Variants in HSDL1 observed in about 807,000 individuals in gnomAD.
HSDL1 encodes the protein hydroxysteroid dehydrogenase like 1.
HSDL1 carries 29 observed loss-of-function variants against 31.5 expected under a neutral mutation model. The observed-to-expected ratio is 0.92, with a 90% CI of 0.69 to 1.26. HSDL1 has a LOEUF of 1.26. Ranked by LOEUF, HSDL1 falls within the 50% of genes most tolerant of loss-of-function variation. The pLI is 0.00. For missense variants in HSDL1, 503 were observed against 416.6 expected, an observed-to-expected ratio of 1.21 and a Z score of -1.81; for synonymous variants, 222 against 155.2, an observed-to-expected ratio of 1.43 and a Z score of -3.20.
In HSDL1 at chr16:84,130,070, C is replaced by T. The variant is rs1461610007; in HGVS notation, c.582G>A (p.Glu194=). The part of the protein sequence containing the change: ...MVHVVLPGMV[E]RKKGAIVTIS... Reference sequence around the variant, plus strand: ...TCGTGACGATGGCACCTTTCTTTCTCTCCACCATTCCCGGTAACACAACAT... The same window carrying T: ...TCGTGACGATGGCACCTTTCTTTCTTTCCACCATTCCCGGTAACACAACAT... Residue 194 remains glutamate, a synonymous_variant, in exon 4 of 6, where the codon GAG becomes GAA. Coordinates refer to ENST00000219439, the MANE Select transcript of HSDL1 (RefSeq NM_031463.5). 3.7e-6 allele frequency: 6 copies of T among 1,614,074 alleles called. No individual in the cohort carries two copies. Among genetic ancestry groups the T allele is most frequent in the Non-Finnish European group, 4.2e-6 (5 of 1,180,056 alleles).
In HSDL1 at chr16:84,129,653, G is replaced by C. The variant is rs932571200; in HGVS notation, c.789C>G (p.His263Gln). The change falls in exon 5 of 6, where the codon CAC becomes CAG. Residue 263 changes from histidine to glutamine, a missense_variant. Coordinates refer to ENST00000219439, the MANE Select transcript of HSDL1 (RefSeq NM_031463.5). ...TSMTAPSNFL[H>Q]RCSWLVPSPK... The stretch of plus-strand genomic sequence containing the variant: ...GCGAAGGCACCAACCACGAGCACCT[G>C]TGCAGAAAGTTGCTGGGTGCTGTCA... 6.2e-7 allele frequency: 1 copy of C among 1,614,070 alleles called. No individual in the cohort carries two copies. The highest frequency in any genetic ancestry group is 1.1e-5 in the South Asian group (1 of 91,096).
Position 84,131,098 on chromosome 16 carries a change from T to A in HSDL1, c.220+4A>T, listed in dbSNP as rs1003174711. On this transcript the variant is annotated splice_donor_region_variant and intron_variant, in intron 3 of 5. Coordinates refer to ENST00000219439, the MANE Select transcript of HSDL1 (RefSeq NM_031463.5). ...AAGATTATTTTGATTATAAAGTAGGTTACCGCTGACAACGGCCCATCTTCC... is the reference window on the plus strand; with the variant it reads ...AAGATTATTTTGATTATAAAGTAGGATACCGCTGACAACGGCCCATCTTCC... 6.2e-7 allele frequency: 1 copy of A among 1,601,394 alleles called. No homozygotes were observed. The highest frequency in any genetic ancestry group is 8.5e-7 in the Non-Finnish European group (1 of 1,169,902).
chr16:84,140,130 G>T (rs1408508543), intron 1 of HSDL1, among the ~76,000 whole-genome samples: 1 of 152,048 alleles, frequency 6.6e-6, no homozygotes, highest in African/African-American at 2.4e-5. Context: ...TCTTACCCAT[G>T]TGGCACTTAG....
chr16:84,127,567 C>A (rs1445454678), intron 5 of HSDL1, among the ~76,000 whole-genome samples: 7 of 151,338 alleles, frequency 4.6e-5, no homozygotes, highest in Middle Eastern at 3.4e-3. Flanking sequence ...TCATAATTAA[C>A]TGTTGATATA....
chr16:84,139,975 G>A (rs956653219), intron 1 of HSDL1, among the ~76,000 whole-genome samples: 4 of 152,086 alleles, frequency 2.6e-5, no homozygotes, highest in South Asian at 2.1e-4. Flanking sequence ...TCTTCCTGAC[G>A]TTTCAAGTCC....
At chr16:84,127,203 T>C (rs2086617267) in intron 5 of HSDL1, among the ~76,000 whole-genome samples, 1 of 142,952 alleles carries the variant, frequency 7.0e-6, no homozygotes, top group South Asian at 2.1e-4. Context: ...AATAAAACTG[T>C]TTCTTCTTTT....
Position 84,129,681 on chromosome 16 carries a change from C to T in HSDL1, c.761G>A (p.Ser254Asn). Residue 254 changes from serine to asparagine, a missense_variant, in exon 5 of 6, where the codon AGC becomes AAC. Transcript: ENST00000219439. ...CAGAAAGTTGCTGGGTGCTGTCATG[C>T]TGGTGGCTACATAGAAAGGGATTAG... ...QSLIPFYVATSMTAPSNFLHR... is the reference protein window; with the variant it reads ...QSLIPFYVATNMTAPSNFLHR... 6.2e-7 allele frequency: 1 copy of T among 1,614,140 alleles called. No individual in the cohort carries two copies. Among genetic ancestry groups the T allele is most frequent in the Non-Finnish European group, 8.5e-7 (1 of 1,180,010 alleles).
chr16:84,125,618 G>C (rs149631880), intron 5 of HSDL1, among the ~76,000 whole-genome samples: 74 of 152,206 alleles, frequency 4.9e-4, no homozygotes, highest in African/African-American at 1.8e-3. Flanking sequence ...ATACAACAAA[G>C]GAAAAAGCCT....
chr16:84,129,810 T>C, intron 4 of HSDL1, 35 bp from the exon 5 acceptor site: 1 of 1,550,758 alleles, frequency 6.4e-7, no homozygotes, highest in Non-Finnish European at 8.8e-7. Context: ...GACTTTTAAT[T>C]CTGGGTGAAC....
At position 84,135,239 on chromosome 16, in the gene HSDL1, G is replaced by T. The variant is rs541668501; in HGVS notation, c.-7+305C>A. ...CAGAGGGAGACTCCGTCTCAAAAAA[G>T]AAAAAAGAAAAAAAAAAAAAGAAAG... is the stretch of plus-strand genomic sequence containing the variant. On this transcript the variant is annotated intron_variant, in intron 2 of 5. Coordinates refer to ENST00000219439, the MANE Select transcript of HSDL1 (RefSeq NM_031463.5). Among the ~76,000 whole-genome samples the T allele has an allele frequency of 1.2e-3, 136 of 117,776 alleles. 4 individuals are homozygous for T. In the South Asian group the frequency reaches 0.033, roughly 29 times the overall value. The allele number at this position is 117,776 out of a possible 152,430, so 77.3% of individuals were successfully genotyped here.
intron 2 of HSDL1, among the ~76,000 whole-genome samples, 178 bp from the exon 3 acceptor site, chr16:84,131,505 CT>C (rs2086666273): frequency 6.6e-6 from 1 of 151,672 alleles, no homozygotes; most frequent in Non-Finnish European, 1.5e-5. Flanking sequence ...ATCTATCTAT[CT>C]ATCTATCTAT....
rs1017351076 is a variant in HSDL1 at position 84,124,488 on chromosome 16, T to C, written c.*142A>G. The C allele has an allele frequency of 6.5e-6, 4 of 620,032 alleles. No homozygotes were observed. Among genetic ancestry groups the C allele is most frequent in the Admixed American group, 2.5e-5 (1 of 40,806 alleles). 38.4% of individuals were successfully genotyped at this position (620,032 alleles called of 1,614,324 possible). A position where few individuals can be genotyped will look rare whatever the true frequency, so the allele number is the denominator to read the frequency against. Reference sequence around the variant, plus strand: ...TTTTCACAGCACTCTGACGGTATTATGTGTGTTTTGCAAATGACGAATCAA... The same window carrying C: ...TTTTCACAGCACTCTGACGGTATTACGTGTGTTTTGCAAATGACGAATCAA... On this transcript the variant is annotated 3_prime_UTR_variant, in exon 6 of 6. Coordinates refer to ENST00000219439, the MANE Select transcript of HSDL1 (RefSeq NM_031463.5).
At chr16:84,135,312 G>T (rs888137869) in intron 2 of HSDL1, among the ~76,000 whole-genome samples, 4 of 152,208 alleles carry the variant, frequency 2.6e-5, no homozygotes, top group African/African-American at 9.6e-5. Context: ...AGCCAAAGCA[G>T]TATTTGTGGG....
At chr16:84,136,546 T>C (rs1026276548) in intron 1 of HSDL1, among the ~76,000 whole-genome samples, 3 of 152,330 alleles carry the variant, frequency 2.0e-5, no homozygotes, top group Non-Finnish European at 4.4e-5. Context: ...CACAAATTCC[T>C]TTGATCCTTT....
chr16:84,143,154 TTCACAGTGGCCTAC>T (rs2086784322), intron 1 of HSDL1, among the ~76,000 whole-genome samples: 1 of 152,210 alleles, frequency 6.6e-6, no homozygotes, highest in Non-Finnish European at 1.5e-5. Context: ...TGCTTGCATG[TTCACAGTGGCCTAC>T]TCACAACTGC....
In HSDL1 at chr16:84,130,520, A is replaced by G. The variant is rs935570845; in HGVS notation, c.221-89T>C. 9 of 1,099,418 alleles carry G rather than the reference A, an allele frequency of 8.2e-6. No homozygotes were observed. In the Admixed American group the frequency reaches 2.1e-4, roughly 25 times the overall value. The allele number at this position is 1,099,418 out of a possible 1,614,324, so 68.1% of individuals were successfully genotyped here. A position where few individuals can be genotyped will look rare whatever the true frequency, so the allele number is the denominator to read the frequency against. On this transcript the variant is annotated intron_variant, in intron 3 of 5. Coordinates refer to ENST00000219439, the MANE Select transcript of HSDL1 (RefSeq NM_031463.5). ...AAAGTACCCCCTGTCAGGTTTAGTCAGAGAAAAATTCACACTAGAAATCAA... is the reference window on the plus strand; with the variant it reads ...AAAGTACCCCCTGTCAGGTTTAGTCGGAGAAAAATTCACACTAGAAATCAA...
In HSDL1 at chr16:84,122,369, T is replaced by C. The variant is rs2086562859; in HGVS notation, c.*2261A>G. The C allele has an allele frequency of 6.6e-6, 1 of 152,476 alleles. No homozygotes were observed. The highest frequency in any genetic ancestry group is 6.5e-5 in the Admixed American group (1 of 15,270). 9.4% of individuals were successfully genotyped at this position (152,476 alleles called of 1,614,324 possible). A position where few individuals can be genotyped will look rare whatever the true frequency, so the allele number is the denominator to read the frequency against. ...GGTTCATATTTCCCACGTTCTTTTT[T>C]TTTTTTTGAGACAGGGTCTCGCTCT... On this transcript the variant is annotated 3_prime_UTR_variant, in exon 6 of 6. Transcript: ENST00000219439.
In HSDL1 at chr16:84,131,173, A is replaced by G; in HGVS notation, c.149T>C (p.Leu50Pro). The change falls in exon 3 of 6, where the codon CTG becomes CCG. Residue 50 changes from leucine (L) to proline (P), a missense_variant. By Grantham distance (98) the Leu-to-Pro change is moderately conservative. Transcript: ENST00000219439. ...VICDFYSLIR[L>P]HFIPRLGSRA... is the part of the protein sequence containing the mutation. ...GCTCCCCAGGCGGGGGATAAAATGC[A>G]GCCTGATCAGGCTGTAAAAGTCACA... is the stretch of plus-strand genomic sequence containing the variant. 6.2e-7 allele frequency: 1 copy of G among 1,614,218 alleles called. No homozygotes were observed. The highest frequency in any genetic ancestry group is 1.7e-5 in the Admixed American group (1 of 60,024).
In HSDL1 at chr16:84,142,430, C is replaced by CTTTTTTT. The variant is rs34954052; in HGVS notation, c.-69+2643_-69+2649dup. On this transcript the variant is annotated intron_variant, in intron 1 of 5. Coordinates refer to ENST00000219439, the MANE Select transcript of HSDL1 (RefSeq NM_031463.5). ...GGTGTGAGGCTGGGATCTCACACATCTTTTTTTTTTTTTTTTTTTTTTTGA... is the reference window on the plus strand; with the variant it reads ...GGTGTGAGGCTGGGATCTCACACATCTTTTTTTTTTTTTTTTTTTTTTTTTTTTTTGA... Among the ~76,000 whole-genome samples, 15 of 81,416 alleles carry CTTTTTTT rather than the reference C, an allele frequency of 1.8e-4. 1 individual carries two copies. The highest frequency in any genetic ancestry group is 2.1e-4 in the Non-Finnish European group (10 of 48,688). 53.4% of individuals were successfully genotyped at this position (81,416 alleles called of 152,430 possible). A position where few individuals can be genotyped will look rare whatever the true frequency, so the allele number is the denominator to read the frequency against.
Sources: allele counts gnomAD v4.1 joint callset (sites outside exome capture counted in the v4.1 genomes callset), GRCh38; gene constraint gnomAD v4.1.1; transcripts MANE v1.5; gene names NCBI Gene and HGNC (gene_info 2026-07-23, HGNC 2026-07-21).